TG: variants seen among roughly 807,000 people sequenced by gnomAD.
The protein encoded by TG is thyroid hormones.
Under a neutral mutation model 324.7 loss-of-function variants are expected in TG, and 270 were observed. The observed-to-expected ratio is 0.83, with a 90% CI of 0.75 to 0.92. The LOEUF (loss-of-function observed/expected upper bound fraction) is 0.92, where lower values mean the gene tolerates loss of function less well. TG is among the 40% of genes least tolerant of loss of function. TG has a pLI of 0.00. For synonymous variants in TG, 1,401 were observed against 1,327.0 expected, an observed-to-expected ratio of 1.06 and a Z score of -1.21; for missense variants, 3,591 against 3,456.4, an observed-to-expected ratio of 1.04 and a Z score of -0.98.
chr8:133,074,830 T>G (rs913410940), intron 41 of TG: 6 of 985,010 alleles, frequency 6.1e-6, no homozygotes, highest in South Asian at 4.7e-5. Context: ...CCACCCCATC[T>G]CTGCCACATA....
At chr8:132,995,175 A>G (rs1272844426) in intron 35 of TG, 1 of 961,714 alleles carries the variant, frequency 1.0e-6, no homozygotes, top group East Asian at 1.2e-4. Flanking sequence ...TAACCTAGGG[A>G]AAGTCACTGC....
chr8:133,075,886 C>T (rs141157289), intron 41 of TG: 1 of 152,262 alleles, frequency 6.6e-6, no homozygotes, highest in African/African-American at 2.4e-5. Flanking sequence ...CATTGTTCTA[C>T]TCTTGCAAGT....
intron 34 of TG, among the ~76,000 whole-genome samples, chr8:132,980,784 G>T (rs948100635): frequency 4.0e-5 from 6 of 151,898 alleles, no homozygotes; most frequent in Admixed American, 3.9e-4. Context: ...TTGGTGTGGG[G>T]GCAAAAAACC....
intron 35 of TG, among the ~76,000 whole-genome samples, chr8:132,983,928 C>G (rs1453644775): frequency 1.3e-5 from 2 of 152,226 alleles, no homozygotes; most frequent in African/African-American, 4.8e-5. Context: ...AGCCTGGACC[C>G]AGGCTGCCCT....
At chr8:132,999,328 A>AT (rs1554693138) in intron 35 of TG, among the ~76,000 whole-genome samples, 1 of 150,562 alleles carries the variant, frequency 6.6e-6, no homozygotes, top group Non-Finnish European at 1.5e-5. Flanking sequence ...AAAAAAAAAA[A>AT]CTAGAATCTA....
In TG at chr8:132,958,349, ATCTATCTG is replaced by A. The variant is rs1359903180; in HGVS notation, c.5402-2651_5402-2644del. On this transcript the variant is annotated intron_variant, in intron 27 of 47. Transcript: ENST00000220616. The stretch of plus-strand genomic sequence containing the variant: ...GTATCTACATATGGCATATCTATCT[ATCTATCTG>A]TCTATCTATCTATCTATCTATCTAT... 1.3e-4 allele frequency among the ~76,000 whole-genome samples: 15 copies of A among 117,342 alleles called. No homozygotes were observed. In the South Asian group the frequency reaches 3.3e-3, roughly 25 times the overall value. 77.0% of individuals were successfully genotyped at this position (117,342 alleles called of 152,430 possible).
chr8:133,093,001 C>T lies in TG; in HGVS notation c.7240-2043C>T, dbSNP rs73354629. Reference sequence around the variant, plus strand: ...TAGCCGAAGGAAATATTGAAACCGTCAGTGGGGGCCCCATCCTGACATTCA... The same window carrying T: ...TAGCCGAAGGAAATATTGAAACCGTTAGTGGGGGCCCCATCCTGACATTCA... On this transcript the variant is annotated intron_variant, in intron 41 of 47. Coordinates refer to ENST00000220616, the MANE Select transcript of TG (RefSeq NM_003235.5). Among the ~76,000 whole-genome samples the T allele has an allele frequency of 9.1e-3, 1,385 of 152,292 alleles. 25 individuals carry two copies. The highest frequency in any genetic ancestry group is 0.031 in the African/African-American group (1,279 of 41,544).
intron 46 of TG, among the ~76,000 whole-genome samples, chr8:133,132,863 AAAG>A (rs917834598): frequency 6.6e-6 from 1 of 152,202 alleles, no homozygotes; most frequent in East Asian, 1.9e-4. Flanking sequence ...TTATATAAGC[AAAG>A]AAGAAGAAGA....
At chr8:132,940,611 G>C (rs1476344691) in intron 25 of TG, among the ~76,000 whole-genome samples, 3 of 152,204 alleles carry the variant, frequency 2.0e-5, no homozygotes, top group Non-Finnish European at 4.4e-5. Context: ...GAGGGTGTAA[G>C]GAAGGGTTGA....
intron 22 of TG, among the ~76,000 whole-genome samples, chr8:132,928,212 TAA>T (rs764324352): frequency 4.7e-4 from 72 of 152,350 alleles, no homozygotes; most frequent in African/African-American, 1.5e-3. Flanking sequence ...CATCTAGATA[TAA>T]GTCTTTTTTA....
intron 41 of TG, among the ~76,000 whole-genome samples, chr8:133,039,677 A>T (rs1837790116): frequency 6.6e-6 from 1 of 152,194 alleles, no homozygotes; most frequent in South Asian, 2.1e-4. Flanking sequence ...ACTTTCTAGG[A>T]TCCTAACAAT....
chr8:132,940,712 C>G (rs1824328751), intron 25 of TG, among the ~76,000 whole-genome samples: 1 of 152,172 alleles, frequency 6.6e-6, no homozygotes, highest in Non-Finnish European at 1.5e-5. Context: ...TGGGTGGGGC[C>G]AGTTTCAGGC....
intron 35 of TG, chr8:132,983,650 G>T (rs1831179176): frequency 1.7e-6 from 1 of 595,856 alleles, no homozygotes; most frequent in Non-Finnish European, 3.0e-6. Context: ...GTGGCTGATT[G>T]AAGCAGAGTA....
chr8:132,983,864 A>G (rs1831203943), intron 35 of TG: 1 of 255,680 alleles, frequency 3.9e-6, no homozygotes, highest in Non-Finnish European at 7.6e-6. Flanking sequence ...ACATCTAATG[A>G]TGAAACACTG....
chr8:132,983,213 C>A (rs901808208), intron 34 of TG, 137 bp from the exon 35 acceptor site: 4 of 885,266 alleles, frequency 4.5e-6, no homozygotes, highest in Admixed American at 3.5e-5. Context: ...CCACCCTGAC[C>A]GATACAGGTT....
chr8:133,044,926 A>G, intron 41 of TG: 1 of 1,578,246 alleles, frequency 6.3e-7, no homozygotes, highest in Non-Finnish European at 8.7e-7. Flanking sequence ...GGCGCCACAG[A>G]GCAATTAGCT....
chr8:133,102,510 G>A, intron 43 of TG: 1 of 1,546,312 alleles, frequency 6.5e-7, no homozygotes, highest in Non-Finnish European at 8.8e-7. Flanking sequence ...GCCACCTATG[G>A]CCCACCCAGG....
intron 43 of TG, among the ~76,000 whole-genome samples, chr8:133,098,414 C>A (rs144881300): frequency 6.6e-6 from 1 of 152,208 alleles, no homozygotes; most frequent in Non-Finnish European, 1.5e-5. Context: ...TAAACACTGT[C>A]CGCCCTGGAG....
At position 132,953,625 on chromosome 8, in the gene TG, C is replaced by T. The variant is rs553410443; in HGVS notation, c.5401+4682C>T. ...ATTATACCCCAAACAACTAATCCCACGAAACACCTGGAGGCTATTTTTATC... is the reference window on the plus strand; with the variant it reads ...ATTATACCCCAAACAACTAATCCCATGAAACACCTGGAGGCTATTTTTATC... On this transcript the variant is annotated intron_variant, in intron 27 of 47. Coordinates refer to ENST00000220616, the MANE Select transcript of TG (RefSeq NM_003235.5). 3.7e-4 allele frequency among the ~76,000 whole-genome samples: 57 copies of T among 152,316 alleles called. No homozygotes were observed. In the South Asian group the frequency reaches 0.01, roughly 28 times the overall value.
Sources: gnomAD v4.1 joint callset for allele counts (sites outside exome capture counted in the v4.1 genomes callset) on GRCh38, gnomAD v4.1.1 for gene constraint, MANE v1.5 for transcripts, NCBI Gene and HGNC (gene_info 2026-07-23, HGNC 2026-07-21) for gene names.